Variants in PARP6 observed in about 807,000 individuals in gnomAD.
PARP6 encodes protein mono-ADP-ribosyltransferase PARP6.
In PARP6, 27 loss-of-function variants were observed where a neutral mutation model predicts 92.0. The ratio of observed to expected loss-of-function variants is 0.29; its 90% confidence interval spans 0.22 to 0.40. The LOEUF is 0.40. PARP6 is among the 10% of genes least tolerant of loss of function. The probability of loss-of-function intolerance (pLI) is 1.00; values close to 1 mark genes in which losing one functional copy is unlikely to be tolerated. For synonymous variants in PARP6, 272 were observed against 281.2 expected (o/e 0.97, Z 0.33); for missense variants, 501 against 784.5 (o/e 0.64, Z 4.32).
rs2084146019 is a variant in PARP6, at chr15:72,250,095, G to A, written c.1419-3C>T. ...GCCAGTTCTCAATGTGGGACCCACT[G>A]TAAGGCAGGGTAGAATACATGTCTC... On this transcript the variant is annotated splice_polypyrimidine_tract_variant and splice_region_variant and intron_variant, in intron 18 of 23. Coordinates refer to ENST00000569795, the MANE Select transcript of PARP6 (RefSeq NM_001323532.2). 1.3e-6 allele frequency: 2 copies of A among 1,595,120 alleles called. No individual in the cohort carries two copies. The highest frequency in any genetic ancestry group is 1.7e-6 in the Non-Finnish European group (2 of 1,162,704).
At chr15:72,270,032 T>C (rs2087173652) in intron 2 of PARP6, among the ~76,000 whole-genome samples, 1 of 152,248 alleles carries the variant, frequency 6.6e-6, no homozygotes, top group Admixed American at 6.5e-5. Context: ...TTCTAGATCC[T>C]TGTGTGTTCT....
At chr15:72,254,792 T>G (rs1033814751) in intron 14 of PARP6, among the ~76,000 whole-genome samples, 99 of 152,272 alleles carry the variant, frequency 6.5e-4, no homozygotes, top group African/African-American at 2.3e-3. Flanking sequence ...ATAGAGATGT[T>G]CTGAGGATTA....
At position 72,242,493 on chromosome 15, in the gene PARP6, A is replaced by C. The variant is rs1172419379; in HGVS notation, c.1641+127T>G. The stretch of plus-strand genomic sequence containing the variant: ...CAGACGTGTGTTCACTTTAGAACAT[A>C]CCTGACTCCTTTAAATGATCTCAAA... On this transcript the variant is annotated intron_variant, in intron 21 of 23. Transcript: ENST00000569795. The surrounding 1 kb of genome is among the most constrained non-coding windows in gnomAD (Gnocchi z 4.3). The C allele has an allele frequency of 4.1e-6, 3 of 731,122 alleles. No homozygotes were observed. The highest frequency in any genetic ancestry group is 1.7e-5 in the African/African-American group (1 of 58,264). 45.3% of individuals were successfully genotyped at this position (731,122 alleles called of 1,614,324 possible).
chr15:72,251,057 C>T (rs2084286454), intron 17 of PARP6, 103 bp from the exon 18 acceptor site: 3 of 1,006,522 alleles, frequency 3.0e-6, no homozygotes, highest in Non-Finnish European at 4.7e-6. Flanking sequence ...GCATTAACCC[C>T]ACACAAGGGA....
chr15:72,262,692 C>T (rs925769142), intron 8 of PARP6, among the ~76,000 whole-genome samples: 2 of 152,140 alleles, frequency 1.3e-5, no homozygotes, highest in African/African-American at 2.4e-5. Flanking sequence ...ATGCTAAATC[C>T]GATGGAAACT....
At chr15:72,253,912 C>A in intron 15 of PARP6, 1 of 433,878 alleles carries the variant, frequency 2.3e-6, no homozygotes, top group South Asian at 1.7e-5. Flanking sequence ...GTGTAAATCT[C>A]AACTGTGATA....
intron 14 of PARP6, 139 bp from the exon 15 acceptor site, chr15:72,254,659 C>CA (rs1211286026): frequency 1.7e-5 from 11 of 646,282 alleles, no homozygotes; most frequent in Non-Finnish European, 2.7e-5. Context: ...GCATTAATGT[C>CA]AGACAGTTCT....
chr15:72,261,780 T>C lies in PARP6; in HGVS notation c.396-73A>G. 3 of 1,460,474 alleles carry C rather than the reference T, an allele frequency of 2.1e-6. No individual in the cohort carries two copies. The South Asian group carries it at 3.5e-5, about 17-fold the overall frequency. 90.5% of individuals were successfully genotyped at this position (1,460,474 alleles called of 1,614,324 possible). A position where few individuals can be genotyped will look rare whatever the true frequency, so the allele number is the denominator to read the frequency against. ...GAAATAAGGACTAAAGAGAGACAAA[T>C]AATCTAAAATTCAGACCCAAGGACT... On this transcript the variant is annotated intron_variant, in intron 8 of 23. Transcript: ENST00000569795.
intron 9 of PARP6, 85 bp from the exon 10 acceptor site, chr15:72,260,773 C>T: frequency 1.0e-6 from 1 of 992,700 alleles, no homozygotes; most frequent in East Asian, 2.4e-5. Context: ...GAGCCCTAAG[C>T]CAAAAGTTCT....
chr15:72,261,656 G>C lies in PARP6; in HGVS notation c.447C>G (p.Phe149Leu), dbSNP rs2085908576. The stretch of plus-strand genomic sequence containing the variant: ...GCCTCTTCTCCTGCTGGGTCTTCAA[G>C]AAATCATTGCTCAGATGTTTCCATT... Reference protein sequence around the residue: ...SQQWKHLSNDFLKTQQEKRHS... With the variant: ...SQQWKHLSNDLLKTQQEKRHS... Residue 149 changes from phenylalanine to leucine, a missense_variant, in exon 9 of 24, where the codon TTC becomes TTG. Around this residue, in one of 4 missense-constraint regions of PARP6, gnomAD observed 291 missense variants for 352.0 expected, o/e 0.83. Transcript: ENST00000569795. 1 of 1,613,948 alleles carries C rather than the reference G, an allele frequency of 6.2e-7. No individual in the cohort carries two copies. The highest frequency in any genetic ancestry group is 1.3e-5 in the African/African-American group (1 of 75,024).
chr15:72,269,252 C>G (rs1443047385), intron 2 of PARP6, among the ~76,000 whole-genome samples: 1 of 152,082 alleles, frequency 6.6e-6, no homozygotes, highest in Non-Finnish European at 1.5e-5. Flanking sequence ...CCTCTGCCTC[C>G]CGGGTTCAAG....
At chr15:72,259,301 G>T (rs1219569799) in intron 11 of PARP6, among the ~76,000 whole-genome samples, 5 of 152,174 alleles carry the variant, frequency 3.3e-5, no homozygotes, top group African/African-American at 1.2e-4. Flanking sequence ...TTGAGCAAGG[G>T]CTATTGGGAA....
In PARP6 at chr15:72,272,541, G is replaced by T. The variant is rs1039613753; in HGVS notation, c.-608C>A. 6.6e-6 allele frequency: 1 copy of T among 150,886 alleles called. No individual in the cohort carries two copies. Among genetic ancestry groups the T allele is most frequent in the African/African-American group, 2.4e-5 (1 of 41,268 alleles). The allele number at this position is 150,886 out of a possible 1,614,324, so 9.3% of individuals were successfully genotyped here. On this transcript the variant is annotated 5_prime_UTR_variant, in exon 1 of 24. Coordinates refer to ENST00000569795, the MANE Select transcript of PARP6 (RefSeq NM_001323532.2). ...CGCGCGCGGCCGCAGCCGACGGGAC[G>T]AGCGGCCCGGGACGCCCCGCGGGGG...
Position 72,257,470 on chromosome 15 carries a change from G to A in PARP6, c.907-30C>T, listed in dbSNP as rs148706151. 2.3e-4 allele frequency: 363 copies of A among 1,557,120 alleles called. 1 individual carries two copies. In the African/African-American group the frequency reaches 4.2e-3, roughly 18 times the overall value. On this transcript the variant is annotated intron_variant, in intron 12 of 23. Transcript: ENST00000569795. ...AAGGATATATTAAACAGATGGTGGT[G>A]GGATGGGGTGTGCAATAAGGTGTAG...
chr15:72,250,736 G>A, intron 18 of PARP6, 109 bp downstream of exon 18: 1 of 669,300 alleles, frequency 1.5e-6, no homozygotes, highest in South Asian at 1.8e-5. Context: ...GTAAGTATCT[G>A]CTGACTGGTT....
At chr15:72,253,624 G>A in intron 15 of PARP6, 120 bp from the exon 16 acceptor site, 1 of 777,400 alleles carries the variant, frequency 1.3e-6, no homozygotes, top group Non-Finnish European at 2.2e-6. Context: ...CCACACAGAG[G>A]AAAAAGGAGA....
Position 72,241,241 on chromosome 15 carries a change from A to C in PARP6, c.*214T>G, listed in dbSNP as rs371364330. On this transcript the variant is annotated 3_prime_UTR_variant, in exon 24 of 24. Transcript: ENST00000569795. This position sits in a 1 kb window ranked among gnomAD's most constrained non-coding sequence, Gnocchi z 4.1. ...TTACAAACAGGGTGAAGTCAAAGGG[A>C]AAGTCAGGGGATGGAGTCAGTCTGG... 418 of 674,680 alleles carry C rather than the reference A, an allele frequency of 6.2e-4. 5 individuals are homozygous for C. The highest frequency in any genetic ancestry group is 5.9e-3 in the South Asian group (393 of 66,472). 41.8% of individuals were successfully genotyped at this position (674,680 alleles called of 1,614,324 possible). A position where few individuals can be genotyped will look rare whatever the true frequency, so the allele number is the denominator to read the frequency against.
chr15:72,254,379 T>C lies in PARP6; in HGVS notation c.1191+76A>G, dbSNP rs1348558048. On this transcript the variant is annotated intron_variant, in intron 15 of 23. Transcript: ENST00000569795. Reference sequence around the variant, plus strand: ...TAGCATCTCTAAATCTTCATCCCACTCCCACAAATTACCAACAGAATAGGA... The same window carrying C: ...TAGCATCTCTAAATCTTCATCCCACCCCCACAAATTACCAACAGAATAGGA... 4.8e-6 allele frequency: 5 copies of C among 1,033,962 alleles called. No homozygotes were observed. The East Asian group carries it at 1.2e-4, about 25-fold the overall frequency. The allele number at this position is 1,033,962 out of a possible 1,614,324, so 64.0% of individuals were successfully genotyped here. A position where few individuals can be genotyped will look rare whatever the true frequency, so the allele number is the denominator to read the frequency against.
chr15:72,253,594 G>T, intron 15 of PARP6, 90 bp from the exon 16 acceptor site: 2 of 1,044,326 alleles, frequency 1.9e-6, no homozygotes, highest in Admixed American at 2.0e-5. Flanking sequence ...TAGGGTCCAG[G>T]GCAAGGTAGG....
Sources: gnomAD v4.1 joint callset for allele counts (sites outside exome capture counted in the v4.1 genomes callset) on GRCh38, gnomAD v4.1.1 for gene constraint, gnomAD v4.1.1 regional missense constraint, Gnocchi (gnomAD v3.1) non-coding constraint, MANE v1.5 for transcripts, NCBI Gene and HGNC (gene_info 2026-07-23, HGNC 2026-07-21) for gene names.